The following CLCN3 variants were observed in gnomAD, a reference collection of about 807,000 sequenced individuals.
CLCN3 encodes the protein Cl-/H+ antiporter 3.
Under a neutral mutation model 83.4 loss-of-function variants are expected in CLCN3, and 16 were observed. That is an observed-to-expected ratio of 0.19 (90% CI 0.13 to 0.29). The LOEUF (loss-of-function observed/expected upper bound fraction) is 0.29, where lower values mean the gene tolerates loss of function less well. CLCN3 is among the 10% of genes least tolerant of loss of function. The pLI is 1.00. For synonymous variants in CLCN3, 322 were observed against 346.2 expected, an observed-to-expected ratio of 0.93 and a Z score of 0.78; for missense variants, 544 against 1,006.0, an observed-to-expected ratio of 0.54 and a Z score of 6.21.
chr4:169,697,851 T>A, intron 9 of CLCN3, 117 bp downstream of exon 9: 2 of 692,996 alleles, frequency 2.9e-6, no homozygotes, highest in Non-Finnish European at 4.9e-6. Flanking sequence ...CTTTTGAGTT[T>A]AATTTTAAGT....
chr4:169,705,443 T>C (rs988470862), intron 10 of CLCN3, among the ~76,000 whole-genome samples: 2 of 152,238 alleles, frequency 1.3e-5, no homozygotes, highest in Admixed American at 6.5e-5. Context: ...ATTTTTAGTT[T>C]GATGACTTTG....
chr4:169,665,954 T>C (rs1316878700), intron 2 of CLCN3, among the ~76,000 whole-genome samples: 1 of 151,670 alleles, frequency 6.6e-6, no homozygotes, highest in African/African-American at 2.4e-5. Flanking sequence ...AAGCTCAGTT[T>C]AAGGCGCAGC....
At chr4:169,667,140 T>G (rs545476743) in intron 2 of CLCN3, among the ~76,000 whole-genome samples, 31 of 152,340 alleles carry the variant, frequency 2.0e-4, no homozygotes, top group African/African-American at 7.0e-4. Context: ...GCTCTTTAGA[T>G]CTAGGATCCA....
At chr4:169,641,574 A>C (rs1221370697) in intron 2 of CLCN3, among the ~76,000 whole-genome samples, 1 of 152,142 alleles carries the variant, frequency 6.6e-6, no homozygotes, top group Non-Finnish European at 1.5e-5. Context: ...TGTTAGATTG[A>C]GCTTTATTCA....
chr4:169,626,671 A>G (rs892590093), intron 1 of CLCN3, among the ~76,000 whole-genome samples: 2 of 152,174 alleles, frequency 1.3e-5, no homozygotes, highest in African/African-American at 2.4e-5. Context: ...AATGTGCCCC[A>G]ACATTATACA....
Position 169,697,152 on chromosome 4 carries a change from A to G in CLCN3, c.1018-37A>G, listed in dbSNP as rs143789395. The G allele has an allele frequency of 1.2e-5, 17 of 1,377,148 alleles. No homozygotes were observed. In the African/African-American group the frequency reaches 1.6e-4, roughly 13 times the overall value. The allele number at this position is 1,377,148 out of a possible 1,614,324, so 85.3% of individuals were successfully genotyped here. A position where few individuals can be genotyped will look rare whatever the true frequency, so the allele number is the denominator to read the frequency against. On this transcript the variant is annotated intron_variant, in intron 8 of 12. Transcript: ENST00000513761. ...TATATCAGAAACATCTTATAAAATT[A>G]TAGCATTAATTTTTCTTTTCCTTTT...
At chr4:169,653,355 G>A (rs1183708581) in intron 2 of CLCN3, among the ~76,000 whole-genome samples, 1 of 152,018 alleles carries the variant, frequency 6.6e-6, no homozygotes, top group African/African-American at 2.4e-5. Flanking sequence ...AAGAAAAGAG[G>A]TTGGCTGGGT....
At chr4:169,628,336 C>G (rs1773285803) in intron 1 of CLCN3, among the ~76,000 whole-genome samples, 1 of 152,036 alleles carries the variant, frequency 6.6e-6, no homozygotes, top group South Asian at 2.1e-4. Context: ...AGTATTTTTG[C>G]TCTGTTATAG....
chr4:169,708,150 A>G (rs1733063435), intron 11 of CLCN3, among the ~76,000 whole-genome samples: 1 of 152,194 alleles, frequency 6.6e-6, no homozygotes, highest in Admixed American at 6.5e-5. Flanking sequence ...TCCTGTGAGC[A>G]TATCATCTCC....
chr4:169,670,543 T>C (rs1174098851), intron 2 of CLCN3, among the ~76,000 whole-genome samples: 1 of 152,210 alleles, frequency 6.6e-6, no homozygotes, highest in Non-Finnish European at 1.5e-5. Context: ...TGAAGTCAGG[T>C]AGTATGATGC....
chr4:169,718,318 A>G (rs1296455681), intron 12 of CLCN3, among the ~76,000 whole-genome samples: 1 of 151,916 alleles, frequency 6.6e-6, no homozygotes, highest in Non-Finnish European at 1.5e-5. Context: ...TAAGCTCCTA[A>G]AGGATTTTAA....
chr4:169,697,429 T>A lies in CLCN3; in HGVS notation c.1258T>A (p.Ser420Thr). Residue 420 changes from serine to threonine, a missense_variant, in exon 9 of 13, where the codon TCC becomes ACC. Coordinates refer to ENST00000513761, the MANE Select transcript of CLCN3 (RefSeq NM_001829.4). The stretch of plus-strand genomic sequence containing the variant: ...TATTGCCTGGTGTCGTCGACGCAAG[T>A]CCACGAAATTTGGAAAGTATCCCGT... The part of the protein sequence containing the change: ...ANIAWCRRRK[S>T]TKFGKYPVLE... 1 of 1,614,200 alleles carries A rather than the reference T, an allele frequency of 6.2e-7. No individual in the cohort carries two copies. The highest frequency in any genetic ancestry group is 8.5e-7 in the Non-Finnish European group (1 of 1,180,050).
chr4:169,659,496 A>G (rs1384157935), intron 2 of CLCN3, among the ~76,000 whole-genome samples: 2 of 152,194 alleles, frequency 1.3e-5, no homozygotes, highest in Admixed American at 6.6e-5. Context: ...CCCTCTGCTT[A>G]GTAAACCTCT....
intron 10 of CLCN3, among the ~76,000 whole-genome samples, chr4:169,705,149 G>A (rs78757016): frequency 6.6e-6 from 1 of 152,174 alleles, no homozygotes; most frequent in African/African-American, 2.4e-5. Context: ...AAGTACTTCA[G>A]GAAGAGTAGA....
intron 2 of CLCN3, among the ~76,000 whole-genome samples, chr4:169,658,070 T>G (rs1466169363): frequency 6.6e-6 from 1 of 152,090 alleles, no homozygotes; most frequent in Non-Finnish European, 1.5e-5. Flanking sequence ...TTTTAAAGAT[T>G]TTTAGGTTTA....
Position 169,686,409 on chromosome 4 carries a change from T to G in CLCN3, c.319-1249T>G, listed in dbSNP as rs1483296048. On this transcript the variant is annotated intron_variant, in intron 3 of 12. Coordinates refer to ENST00000513761, the MANE Select transcript of CLCN3 (RefSeq NM_001829.4). Reference sequence around the variant, plus strand: ...ACAGTTGAGCACTGAAGTCCTGGGCTGAAAATTGACTTTTTTTTTTTTTTT... The same window carrying G: ...ACAGTTGAGCACTGAAGTCCTGGGCGGAAAATTGACTTTTTTTTTTTTTTT... 3.3e-5 allele frequency among the ~76,000 whole-genome samples: 5 copies of G among 150,186 alleles called. No homozygotes were observed. In the South Asian group the frequency reaches 1.1e-3, roughly 32 times the overall value.
At chr4:169,717,436 A>G (rs549355404) in intron 12 of CLCN3, among the ~76,000 whole-genome samples, 8 of 152,312 alleles carry the variant, frequency 5.3e-5, no homozygotes, top group African/African-American at 1.9e-4. Flanking sequence ...AGGAAAGAAC[A>G]TTGTAAATGA....
At chr4:169,671,791 T>TAA (rs1176278368) in intron 2 of CLCN3, among the ~76,000 whole-genome samples, 4 of 152,094 alleles carry the variant, frequency 2.6e-5, no homozygotes, top group Admixed American at 2.6e-4. Flanking sequence ...TAGCATGGAC[T>TAA]AAGGAACTTG....
intron 3 of CLCN3, among the ~76,000 whole-genome samples, chr4:169,682,049 C>T (rs759778983): frequency 6.6e-6 from 1 of 152,100 alleles, no homozygotes; most frequent in African/African-American, 2.4e-5. Flanking sequence ...TTGTTAGTTT[C>T]TTAAAGATTA....
Sources: gnomAD v4.1 joint callset for allele counts (sites outside exome capture counted in the v4.1 genomes callset) on GRCh38, gnomAD v4.1.1 for gene constraint, MANE v1.5 for transcripts, NCBI Gene and HGNC (gene_info 2026-07-23, HGNC 2026-07-21) for gene names.